The following RAB11FIP4 variants were observed in gnomAD, a reference collection of about 807,000 sequenced individuals.
RAB11FIP4 encodes the protein rab11 family-interacting protein 4.
Under a neutral mutation model 74.3 loss-of-function variants are expected in RAB11FIP4, and 23 were observed. The observed-to-expected ratio is 0.31, with a 90% CI of 0.22 to 0.44. The LOEUF is 0.44. Ranked by LOEUF, RAB11FIP4 falls within the 20% of genes least tolerant of loss-of-function variation. The pLI is 1.00. For synonymous variants in RAB11FIP4, 360 were observed against 359.9 expected, an observed-to-expected ratio of 1.00 and a Z score of 0.00; for missense variants, 630 against 863.9, an observed-to-expected ratio of 0.73 and a Z score of 3.39.
At position 31,522,149 on chromosome 17, in the gene RAB11FIP4, G is replaced by A. The variant is rs1203797111; in HGVS notation, c.893+100G>A. 6 of 1,482,624 alleles carry A rather than the reference G, an allele frequency of 4.0e-6. No homozygotes were observed. The African/African-American group carries it at 7.0e-5, about 17-fold the overall frequency. The allele number at this position is 1,482,624 out of a possible 1,614,324, so 91.8% of individuals were successfully genotyped here. On this transcript the variant is annotated intron_variant, in intron 6 of 14. Transcript: ENST00000621161. Reference sequence around the variant, plus strand: ...TGGCGAGGCGACCCCTGCTGTCTGGGCAGGTGAGAGCTCTCAGAGGAGGGT... The same window carrying A: ...TGGCGAGGCGACCCCTGCTGTCTGGACAGGTGAGAGCTCTCAGAGGAGGGT...
chr17:31,447,143 G>A (rs543452484), intron 3 of RAB11FIP4, among the ~76,000 whole-genome samples: 1 of 152,312 alleles, frequency 6.6e-6, no homozygotes, highest in South Asian at 2.1e-4. Context: ...AATTAGCCGG[G>A]CGTGGTGGTG....
intron 1 of RAB11FIP4, among the ~76,000 whole-genome samples, chr17:31,406,624 A>T (rs992983323): frequency 2.0e-5 from 3 of 152,230 alleles, no homozygotes; most frequent in Non-Finnish European, 4.4e-5. Context: ...TTAATTGCTC[A>T]TGAGACTTTG....
chr17:31,446,082 C>A (rs2071461362), intron 3 of RAB11FIP4, among the ~76,000 whole-genome samples: 1 of 151,212 alleles, frequency 6.6e-6, no homozygotes, highest in Non-Finnish European at 1.5e-5. Flanking sequence ...AACTTCAGGC[C>A]ACTTGCTTCG....
chr17:31,521,410 A>G, intron 5 of RAB11FIP4, 50 bp downstream of exon 5: 1 of 1,513,378 alleles, frequency 6.6e-7, no homozygotes, highest in Non-Finnish European at 9.0e-7. Flanking sequence ...TGCAGAAGCA[A>G]TTTAAGCACA....
At chr17:31,504,318 A>C (rs930790954) in intron 3 of RAB11FIP4, among the ~76,000 whole-genome samples, 3 of 151,546 alleles carry the variant, frequency 2.0e-5, no homozygotes, top group Non-Finnish European at 2.9e-5. Context: ...TTTTTAGTAG[A>C]GATGGGGTTT....
chr17:31,499,118 G>A (rs966142248), intron 3 of RAB11FIP4, among the ~76,000 whole-genome samples: 10 of 152,196 alleles, frequency 6.6e-5, no homozygotes, highest in African/African-American at 2.4e-4. Flanking sequence ...TTTTCTTGGG[G>A]GAACCAGAGA....
At chr17:31,422,951 GCT>G (rs1567650260) in intron 1 of RAB11FIP4, among the ~76,000 whole-genome samples, 2 of 132,196 alleles carry the variant, frequency 1.5e-5, no homozygotes, top group East Asian at 2.1e-4. Flanking sequence ...ACGGAGTCTC[GCT>G]CTGTCACTCA....
intron 3 of RAB11FIP4, among the ~76,000 whole-genome samples, chr17:31,434,854 C>T (rs960531062): frequency 5.9e-5 from 9 of 152,338 alleles, no homozygotes; most frequent in South Asian, 4.1e-4. Flanking sequence ...AGCACATCAC[C>T]GTGCTACCAG....
chr17:31,474,474 C>A (rs963127163), intron 3 of RAB11FIP4, among the ~76,000 whole-genome samples: 3 of 152,020 alleles, frequency 2.0e-5, no homozygotes, highest in Non-Finnish European at 4.4e-5. Context: ...GAGTTTGAGA[C>A]CAGCCTGGCC....
At chr17:31,439,417 G>C (rs1255617909) in intron 3 of RAB11FIP4, among the ~76,000 whole-genome samples, 1 of 152,240 alleles carries the variant, frequency 6.6e-6, no homozygotes, top group Non-Finnish European at 1.5e-5. Flanking sequence ...CTAGCAGCCT[G>C]AGGGGAGGAA....
Position 31,434,089 on chromosome 17 carries a change from G to C in RAB11FIP4, c.303G>C (p.Pro101=), listed in dbSNP as rs774612260. The C allele has an allele frequency of 1.3e-6, 2 of 1,585,634 alleles. No individual in the cohort carries two copies. Among genetic ancestry groups the C allele is most frequent in the African/African-American group, 2.7e-5 (2 of 74,898 alleles). The change falls in exon 3 of 15, where the codon CCG becomes CCC. Residue 101 remains proline, a synonymous_variant. Coordinates refer to ENST00000621161, the MANE Select transcript of RAB11FIP4 (RefSeq NM_032932.6). ...VLSVESAGTL[P]CAPEIPDCVE... ...CGGTGGAGAGCGCGGGGACGCTGCC[G>C]TGCGCGCCAGAGATCCCAGACTGCG...
chr17:31,468,374 G>A (rs935159390), intron 3 of RAB11FIP4, among the ~76,000 whole-genome samples: 2 of 152,136 alleles, frequency 1.3e-5, no homozygotes, highest in South Asian at 2.1e-4. Flanking sequence ...GAGGGCTTTG[G>A]TCCTGCATCC....
intron 3 of RAB11FIP4, among the ~76,000 whole-genome samples, chr17:31,441,281 C>T (rs756601271): frequency 2.6e-5 from 4 of 151,730 alleles, no homozygotes; most frequent in Middle Eastern, 3.4e-3. Flanking sequence ...CTGCTTCGGC[C>T]TCCCAAAGTG....
In RAB11FIP4 at chr17:31,421,927, C is replaced by T. The variant is rs577570646; in HGVS notation, c.160-9886C>T. Among the ~76,000 whole-genome samples the T allele has an allele frequency of 2.8e-4, 42 of 152,192 alleles. 1 individual carries two copies. The highest frequency in any genetic ancestry group is 4.1e-4 in the Non-Finnish European group (28 of 68,016). On this transcript the variant is annotated intron_variant, in intron 1 of 14. Transcript: ENST00000621161. ...AGACTCTGTGGCTCATGCCTGTAAT[C>T]CCAGCACTTTGGGAGGCTAAGGCAG...
intron 3 of RAB11FIP4, among the ~76,000 whole-genome samples, chr17:31,509,695 G>A (rs2072417278): frequency 6.6e-6 from 1 of 152,172 alleles, no homozygotes; most frequent in Non-Finnish European, 1.5e-5. Flanking sequence ...CTGGGCTGCA[G>A]AGCTTTGATC....
At chr17:31,504,131 T>A (rs6505248) in intron 3 of RAB11FIP4, among the ~76,000 whole-genome samples, 91,910 of 141,666 alleles carry the variant, frequency 0.65, 30,663 homozygotes, top group African/African-American at 0.68. Context: ...TACTACTACT[T>A]CTTTTTTTTT....
At chr17:31,405,505 G>A (rs1403358158) in intron 1 of RAB11FIP4, among the ~76,000 whole-genome samples, 2 of 152,112 alleles carry the variant, frequency 1.3e-5, no homozygotes, top group African/African-American at 4.8e-5. Context: ...AAGTAGCTGG[G>A]ACTACAGGCA....
chr17:31,530,253 T>G, intron 13 of RAB11FIP4, 73 bp from the exon 14 acceptor site: 1 of 1,570,762 alleles, frequency 6.4e-7, no homozygotes, highest in Non-Finnish European at 8.7e-7. Flanking sequence ...GGACGGTGGA[T>G]GTGGAGAAGT....
chr17:31,525,267 C>A lies in RAB11FIP4; in HGVS notation c.1274+37C>A, dbSNP rs1161024566. On this transcript the variant is annotated intron_variant, in intron 10 of 14. Coordinates refer to ENST00000621161, the MANE Select transcript of RAB11FIP4 (RefSeq NM_032932.6). ...CACCGAGCCCCCTCCCTCAGAGGGA[C>A]CCCCTGTCCTGGGGCAGCCCTGTGG... The A allele has an allele frequency of 8.5e-6, 13 of 1,520,778 alleles. No homozygotes were observed. The East Asian group carries it at 2.2e-4, about 26-fold the overall frequency. The allele number at this position is 1,520,778 out of a possible 1,614,324, so 94.2% of individuals were successfully genotyped here.
Sources: allele counts gnomAD v4.1 joint callset (sites outside exome capture counted in the v4.1 genomes callset), GRCh38; gene constraint gnomAD v4.1.1; transcripts MANE v1.5; gene names NCBI Gene and HGNC (gene_info 2026-07-23, HGNC 2026-07-21).